The following WWOX variants were observed in gnomAD, a reference collection of about 807,000 sequenced individuals.
WWOX encodes WW domain containing oxidoreductase.
In WWOX, 69 loss-of-function variants were observed where a neutral mutation model predicts 46.2. The observed-to-expected ratio is 1.49, with a 90% CI of 1.23 to 1.82. The LOEUF (loss-of-function observed/expected upper bound fraction) is 1.82, where lower values mean the gene tolerates loss of function less well. WWOX is among the 40% of genes most tolerant of loss of function. The pLI is 0.00. For synonymous variants in WWOX, 359 were observed against 202.6 expected, an observed-to-expected ratio of 1.77 and a Z score of -6.56; for missense variants, 919 against 542.6, an observed-to-expected ratio of 1.69 and a Z score of -6.89.
chr16:78,712,736 G>A (rs1012194292), intron 8 of WWOX, among the ~76,000 whole-genome samples: 1 of 151,974 alleles, frequency 6.6e-6, no homozygotes, highest in Non-Finnish European at 1.5e-5. Context: ...GATGCATACC[G>A]AAAAATCTAC....
At chr16:79,049,505 C>G (rs1174107803) in intron 8 of WWOX, among the ~76,000 whole-genome samples, 3 of 152,112 alleles carry the variant, frequency 2.0e-5, no homozygotes, top group Non-Finnish European at 4.4e-5. Flanking sequence ...TCAGGAAGGC[C>G]AAGCCCAGAT....
chr16:78,864,888 G>T (rs552334956), intron 8 of WWOX, among the ~76,000 whole-genome samples: 4 of 146,434 alleles, frequency 2.7e-5, no homozygotes, highest in Admixed American at 2.1e-4. Flanking sequence ...TCAGCCCCCC[G>T]AGTAGCTGGG....
chr16:78,444,372 A>T (rs2083511635), intron 8 of WWOX, among the ~76,000 whole-genome samples: 1 of 152,188 alleles, frequency 6.6e-6, no homozygotes, highest in African/African-American at 2.4e-5. Flanking sequence ...AGAACAGTTT[A>T]ACTTGAAAGG....
At chr16:79,096,358 C>T (rs1204582638) in intron 8 of WWOX, among the ~76,000 whole-genome samples, 1 of 152,098 alleles carries the variant, frequency 6.6e-6, no homozygotes, top group Non-Finnish European at 1.5e-5. Flanking sequence ...TGGCATCCTG[C>T]GTCCTCTCCC....
At chr16:78,681,891 C>A (rs922729422) in intron 8 of WWOX, among the ~76,000 whole-genome samples, 1 of 152,164 alleles carries the variant, frequency 6.6e-6, no homozygotes, top group Non-Finnish European at 1.5e-5. Flanking sequence ...TCGGGCCCCA[C>A]CCCGCAGAGC....
chr16:78,406,417 A>T (rs1425088527), intron 6 of WWOX, among the ~76,000 whole-genome samples: 1 of 143,264 alleles, frequency 7.0e-6, no homozygotes, highest in Admixed American at 7.4e-5. Context: ...CAGTGGTGCA[A>T]TCTCGGCTCA....
chr16:79,004,940 C>T (rs546487439), intron 8 of WWOX, among the ~76,000 whole-genome samples: 5 of 152,164 alleles, frequency 3.3e-5, no homozygotes, highest in Admixed American at 6.5e-5. Context: ...GAGCTCCCCT[C>T]TTGTGTTTCA....
At chr16:78,789,551 C>T (rs890086051) in intron 8 of WWOX, among the ~76,000 whole-genome samples, 2 of 152,036 alleles carry the variant, frequency 1.3e-5, no homozygotes, top group Non-Finnish European at 2.9e-5. Flanking sequence ...GGTTACTGTA[C>T]TCTGTGTAAG....
intron 8 of WWOX, among the ~76,000 whole-genome samples, chr16:78,685,814 T>C (rs2047842090): frequency 6.6e-6 from 1 of 151,576 alleles, no homozygotes; most frequent in African/African-American, 2.4e-5. Context: ...CGGTCACTGT[T>C]GAGAGCCTGG....
intron 8 of WWOX, among the ~76,000 whole-genome samples, chr16:79,008,330 C>A (rs1051105700): frequency 6.6e-6 from 1 of 152,138 alleles, no homozygotes; most frequent in South Asian, 2.1e-4. Context: ...AAGGGCCTAG[C>A]GATTAGATCA....
intron 8 of WWOX, among the ~76,000 whole-genome samples, chr16:79,068,496 G>A (rs116205612): frequency 1.9e-4 from 29 of 152,120 alleles, no homozygotes; most frequent in Non-Finnish European, 4.1e-4. Context: ...AGCACTGCAC[G>A]TGTAGGAAGC....
At chr16:78,985,476 A>G (rs1453938138) in intron 8 of WWOX, among the ~76,000 whole-genome samples, 2 of 152,182 alleles carry the variant, frequency 1.3e-5, no homozygotes, top group Non-Finnish European at 2.9e-5. Context: ...CCTGCACTAC[A>G]TTCAGAATAG....
chr16:78,840,101 T>C (rs2052097960), intron 8 of WWOX, among the ~76,000 whole-genome samples: 1 of 152,164 alleles, frequency 6.6e-6, no homozygotes, highest in African/African-American at 2.4e-5. Context: ...ACAAACAAAG[T>C]TGTATGCAAA....
chr16:79,061,952 G>C (rs1332858005), intron 8 of WWOX, among the ~76,000 whole-genome samples: 5 of 152,274 alleles, frequency 3.3e-5, no homozygotes, highest in African/African-American at 1.2e-4. Context: ...GACTTCAGAC[G>C]CTAGCCTCCC....
intron 8 of WWOX, among the ~76,000 whole-genome samples, chr16:78,812,242 A>AG (rs1223366790): frequency 2.0e-5 from 3 of 152,124 alleles, no homozygotes; most frequent in African/African-American, 7.2e-5. Context: ...GGGCATATTT[A>AG]GGATAATGCC....
chr16:78,232,805 A>G (rs1248901477), intron 5 of WWOX, among the ~76,000 whole-genome samples: 1 of 151,986 alleles, frequency 6.6e-6, no homozygotes, highest in Non-Finnish European at 1.5e-5. Flanking sequence ...GAAATTAAAA[A>G]GGAATGAATA....
At chr16:78,644,335 C>A (rs900724089) in intron 8 of WWOX, among the ~76,000 whole-genome samples, 1 of 152,214 alleles carries the variant, frequency 6.6e-6, no homozygotes, top group Admixed American at 6.5e-5. Context: ...GACACCTACC[C>A]CATATGTCAC....
chr16:78,462,837 A>G (rs1471272293), intron 8 of WWOX, among the ~76,000 whole-genome samples: 1 of 152,202 alleles, frequency 6.6e-6, no homozygotes, highest in Non-Finnish European at 1.5e-5. Context: ...GGGCAGCCAC[A>G]TAGACAACAT....
At chr16:78,825,971 C>T in intron 8 of WWOX, 1 of 785,774 alleles carries the variant, frequency 1.3e-6, no homozygotes, top group East Asian at 2.7e-5. Flanking sequence ...GAAGCCAGAG[C>T]CGCCTGCTAT....
Sources: allele counts gnomAD v4.1 joint callset (sites outside exome capture counted in the v4.1 genomes callset), GRCh38; gene constraint gnomAD v4.1.1; transcripts MANE v1.5; gene names NCBI Gene and HGNC (gene_info 2026-07-23, HGNC 2026-07-21).